The following R3HDM1 variants were observed in gnomAD, a reference collection of about 807,000 sequenced individuals.
The protein encoded by R3HDM1 is R3H domain containing 1.
R3HDM1 carries 46 observed loss-of-function variants against 141.1 expected under a neutral mutation model. The ratio of observed to expected loss-of-function variants is 0.33; its 90% CI spans 0.26 to 0.42. The LOEUF (loss-of-function observed/expected upper bound fraction) is 0.42, where lower values mean the gene tolerates loss of function less well. R3HDM1 is among the 10% of genes least tolerant of loss of function. The pLI is 1.00. For synonymous variants in R3HDM1, 435 were observed against 472.9 expected (o/e 0.92, Z 1.04); for missense variants, 1,184 against 1,368.3 (o/e 0.87, Z 2.12).
At chr2:135,713,834 T>C (rs772081128) in intron 23 of R3HDM1, among the ~76,000 whole-genome samples, 2 of 152,044 alleles carry the variant, frequency 1.3e-5, no homozygotes, top group African/African-American at 2.4e-5. Flanking sequence ...TCTTGAAGAA[T>C]ACAGGATCAG....
At position 135,540,607 on chromosome 2, in the gene R3HDM1, C is replaced by T. The variant is rs112732925; in HGVS notation, c.-250+8974C>T. ...ATTTATTTATTTATTTTTGTAGGGA[C>T]AGGGTCTTGCTCGTAGCCCAGGCTG... On this transcript the variant is annotated intron_variant, in intron 1 of 26. Transcript: ENST00000683871. Among the ~76,000 whole-genome samples the T allele has an allele frequency of 1.6e-3, 247 of 152,244 alleles. 4 individuals carry two copies. The highest frequency in any genetic ancestry group is 5.5e-3 in the African/African-American group (229 of 41,548).
chr2:135,713,527 T>C (rs2075877701), intron 23 of R3HDM1, among the ~76,000 whole-genome samples: 1 of 152,232 alleles, frequency 6.6e-6, no homozygotes, highest in Non-Finnish European at 1.5e-5. Flanking sequence ...GTGTACAATA[T>C]TTCTTTTTTC....
At chr2:135,594,092 G>T (rs1190242718) in intron 1 of R3HDM1, among the ~76,000 whole-genome samples, 1 of 152,304 alleles carries the variant, frequency 6.6e-6, no homozygotes, top group South Asian at 2.1e-4. Context: ...ACCCGCTTCT[G>T]TGGTGGGCTT....
At chr2:135,661,048 C>CA (rs1393239687) in intron 18 of R3HDM1, among the ~76,000 whole-genome samples, 1 of 151,506 alleles carries the variant, frequency 6.6e-6, no homozygotes, top group Non-Finnish European at 1.5e-5. Context: ...GCAAATATGG[C>CA]AAAAAAATTA....
chr2:135,657,509 C>A (rs2066076343), intron 18 of R3HDM1, among the ~76,000 whole-genome samples: 1 of 151,944 alleles, frequency 6.6e-6, no homozygotes, highest in Non-Finnish European at 1.5e-5. Flanking sequence ...TTAAGGGATC[C>A]CATATGTATT....
At chr2:135,622,206 C>T (rs1177330100) in intron 6 of R3HDM1, 1 of 984,690 alleles carries the variant, frequency 1.0e-6, no homozygotes, top group African/African-American at 1.7e-5. Flanking sequence ...CAAATTCTTT[C>T]ACAACTAAAA....
chr2:135,592,921 CT>C (rs925072969), intron 1 of R3HDM1, among the ~76,000 whole-genome samples: 10 of 148,256 alleles, frequency 6.7e-5, no homozygotes, highest in South Asian at 2.2e-4. Context: ...TCCGTGTAGT[CT>C]TTTTTTTTTC....
At chr2:135,611,031 G>C (rs1574329805) in intron 3 of R3HDM1, among the ~76,000 whole-genome samples, 1 of 151,624 alleles carries the variant, frequency 6.6e-6, no homozygotes, top group East Asian at 1.9e-4. Context: ...GATGACTTGA[G>C]AGTTCAAGGC....
chr2:135,683,610 A>G (rs921777724), intron 21 of R3HDM1, among the ~76,000 whole-genome samples: 1 of 151,992 alleles, frequency 6.6e-6, no homozygotes, highest in Non-Finnish European at 1.5e-5. Context: ...AAAATTCATA[A>G]TTAACTGATT....
intron 3 of R3HDM1, among the ~76,000 whole-genome samples, chr2:135,608,180 G>T (rs1011452760): frequency 6.6e-6 from 1 of 152,140 alleles, no homozygotes; most frequent in Middle Eastern, 3.4e-3. Context: ...GCTGGGCATG[G>T]TGGCGCACGC....
At chr2:135,560,734 G>A (rs1249171256) in intron 1 of R3HDM1, among the ~76,000 whole-genome samples, 1 of 152,184 alleles carries the variant, frequency 6.6e-6, no homozygotes, top group Non-Finnish European at 1.5e-5. Flanking sequence ...ACTCAGTTAT[G>A]CTTTCTGGGC....
rs1553630332 is a variant in R3HDM1 at position 135,699,075 on chromosome 2, T to TAGATAGATAGA, written c.2460-10358_2460-10357insAGATAGATAGA. 3.4e-3 allele frequency among the ~76,000 whole-genome samples: 450 copies of TAGATAGATAGA among 132,006 alleles called. 5 individuals are homozygous for TAGATAGATAGA. Among genetic ancestry groups the TAGATAGATAGA allele is most frequent in the African/African-American group, 9.3e-3 (269 of 28,988 alleles). 86.6% of individuals were successfully genotyped at this position (132,006 alleles called of 152,430 possible). On this transcript the variant is annotated intron_variant, in intron 21 of 26. Coordinates refer to ENST00000683871, the MANE Select transcript of R3HDM1 (RefSeq NM_001378107.1). The stretch of plus-strand genomic sequence containing the variant: ...AGATAAGATAGATTGATTAGATAGA[T>TAGATAGATAGA]TAGATAGATAGATAGATAGATAGAT...
intron 1 of R3HDM1, among the ~76,000 whole-genome samples, chr2:135,550,502 T>C (rs1010274885): frequency 6.6e-6 from 1 of 152,208 alleles, no homozygotes; most frequent in African/African-American, 2.4e-5. Context: ...GGCTTATCTT[T>C]TCTCATGTCA....
At chr2:135,586,901 A>G (rs1192428928) in intron 1 of R3HDM1, 1 of 984,942 alleles carries the variant, frequency 1.0e-6, no homozygotes, top group Non-Finnish European at 1.2e-6. Flanking sequence ...GGCTTGTTGA[A>G]TTTTAAAAAT....
intron 18 of R3HDM1, among the ~76,000 whole-genome samples, chr2:135,659,675 C>T (rs1244481055): frequency 6.6e-6 from 1 of 152,052 alleles, no homozygotes; most frequent in African/African-American, 2.4e-5. Flanking sequence ...TGGGCTCAAG[C>T]GATCCTCCCG....
chr2:135,560,273 T>C (rs1448987487), intron 1 of R3HDM1, among the ~76,000 whole-genome samples: 2 of 152,236 alleles, frequency 1.3e-5, no homozygotes, highest in African/African-American at 4.8e-5. Context: ...AGATTCCCTT[T>C]GTCTCAGTTC....
intron 1 of R3HDM1, among the ~76,000 whole-genome samples, chr2:135,538,013 A>G (rs1386021565): frequency 1.3e-5 from 2 of 152,180 alleles, no homozygotes; most frequent in Admixed American, 6.5e-5. Flanking sequence ...CTTGTTTAAC[A>G]TTAGGGATAA....
intron 19 of R3HDM1, chr2:135,669,268 A>T (rs1204802600): frequency 1.0e-5 from 10 of 985,398 alleles, no homozygotes; most frequent in Non-Finnish European, 1.2e-5. Flanking sequence ...GGCTAATCAT[A>T]TGCTTATTTA....
intron 3 of R3HDM1, among the ~76,000 whole-genome samples, chr2:135,615,047 C>G (rs2060892816): frequency 1.3e-5 from 2 of 152,022 alleles, no homozygotes; most frequent in South Asian, 4.1e-4. Flanking sequence ...GTATAAGAAA[C>G]AAAGTCATTT....
Sources: allele counts gnomAD v4.1 joint callset (sites outside exome capture counted in the v4.1 genomes callset), GRCh38; gene constraint gnomAD v4.1.1; transcripts MANE v1.5; gene names NCBI Gene and HGNC (gene_info 2026-07-23, HGNC 2026-07-21).